The following EVL variants were observed in gnomAD, a reference collection of about 807,000 sequenced individuals.
EVL encodes ena/VASP-like protein.
Under a neutral mutation model 59.6 loss-of-function variants are expected in EVL, and 21 were observed. The ratio of observed to expected loss-of-function variants is 0.35; its 90% CI spans 0.25 to 0.51. The LOEUF (loss-of-function observed/expected upper bound fraction) is 0.51, where lower values mean the gene tolerates loss of function less well. Ranked by LOEUF, EVL falls within the 20% of genes least tolerant of loss-of-function variation. The pLI, the probability that EVL is intolerant of heterozygous loss-of-function variation, is 0.97. For missense variants in EVL, 462 were observed against 546.6 expected, an observed-to-expected ratio of 0.85 and a Z score of 1.54; for synonymous variants, 198 against 203.5, an observed-to-expected ratio of 0.97 and a Z score of 0.23.
intron 1 of EVL, among the ~76,000 whole-genome samples, chr14:100,023,889 T>C (rs2061168626): frequency 6.6e-6 from 1 of 152,164 alleles, no homozygotes; most frequent in Non-Finnish European, 1.5e-5. Flanking sequence ...CCATGTAGTT[T>C]TCCTTCTACC....
At chr14:100,043,916 A>G (rs1276643705) in intron 1 of EVL, among the ~76,000 whole-genome samples, 2 of 152,040 alleles carry the variant, frequency 1.3e-5, no homozygotes, top group African/African-American at 2.4e-5. Flanking sequence ...CCCCAGTTGT[A>G]TATGTATAGA....
At chr14:99,977,791 T>C (rs535994991) in intron 1 of EVL, among the ~76,000 whole-genome samples, 9 of 152,074 alleles carry the variant, frequency 5.9e-5, no homozygotes, top group Non-Finnish European at 1.2e-4. Flanking sequence ...TCTCATTCTT[T>C]GGGATCTAAA....
intron 1 of EVL, among the ~76,000 whole-genome samples, chr14:100,030,044 G>A (rs1391978516): frequency 1.3e-5 from 2 of 151,964 alleles, no homozygotes; most frequent in African/African-American, 4.8e-5. Context: ...CCTGTAAAAT[G>A]GGACTATTAC....
intron 13 of EVL, among the ~76,000 whole-genome samples, chr14:100,142,699 C>G (rs959359460): frequency 6.6e-6 from 1 of 151,892 alleles, no homozygotes; most frequent in South Asian, 2.1e-4. Context: ...AGAGAGCACT[C>G]AGTTCCTGTT....
At chr14:100,037,137 C>T (rs919792519) in intron 1 of EVL, among the ~76,000 whole-genome samples, 6 of 152,174 alleles carry the variant, frequency 3.9e-5, no homozygotes, top group African/African-American at 1.4e-4. Flanking sequence ...TTTGTTATGG[C>T]AGCCTGAGCT....
intron 1 of EVL, among the ~76,000 whole-genome samples, chr14:99,982,418 A>G (rs1222641811): frequency 3.9e-5 from 6 of 152,198 alleles, no homozygotes; most frequent in African/African-American, 1.4e-4. Flanking sequence ...AAGGCTATCA[A>G]TATATACTAC....
At chr14:100,055,987 T>C (rs1220184765) in intron 1 of EVL, among the ~76,000 whole-genome samples, 1 of 151,992 alleles carries the variant, frequency 6.6e-6, no homozygotes, top group Non-Finnish European at 1.5e-5. Flanking sequence ...AATTTTTGTA[T>C]TTTTAGTAGA....
intron 7 of EVL, 41 bp from the exon 8 acceptor site, chr14:100,132,678 C>A (rs751025079): frequency 2.2e-5 from 35 of 1,603,244 alleles, no homozygotes; most frequent in Non-Finnish European, 2.8e-5. Flanking sequence ...AGTGAGAGAA[C>A]GTGAGGAGCT....
At position 100,141,813 on chromosome 14, in the gene EVL, G is replaced by T. The variant is rs1338333770; in HGVS notation, c.1219+20G>T. The T allele has an allele frequency of 6.2e-7, 1 of 1,611,084 alleles. No individual in the cohort carries two copies. Among genetic ancestry groups the T allele is most frequent in the Non-Finnish European group, 8.5e-7 (1 of 1,179,044 alleles). ...TCGACGGTGAGTGCAGCCCCACCGGGGAGGGTGGCACCCAGGTGTGGCCGC... is the reference window on the plus strand; with the variant it reads ...TCGACGGTGAGTGCAGCCCCACCGGTGAGGGTGGCACCCAGGTGTGGCCGC... On this transcript the variant is annotated intron_variant, in intron 13 of 13. Coordinates refer to ENST00000392920, the MANE Select transcript of EVL (RefSeq NM_016337.3).
rs528392310 is a variant in EVL at position 100,108,758 on chromosome 14, C to T, written c.358+11100C>T. Among the ~76,000 whole-genome samples, 13 of 152,304 alleles carry T rather than the reference C, an allele frequency of 8.5e-5. No homozygotes were observed. The highest frequency in any genetic ancestry group is 2.0e-4 in the Admixed American group (3 of 15,302). On this transcript the variant is annotated intron_variant, in intron 3 of 13. Coordinates refer to ENST00000392920, the MANE Select transcript of EVL (RefSeq NM_016337.3). This position sits in a 1 kb window ranked among gnomAD's most constrained non-coding sequence, Gnocchi z 4.1. The stretch of plus-strand genomic sequence containing the variant: ...CAGATGGAGCCTTTCCCAGCCGCCC[C>T]GCTCCCTGTGACTTTGCACTCCCTC...
intron 1 of EVL, among the ~76,000 whole-genome samples, chr14:100,040,174 GT>G (rs2061446930): frequency 6.6e-6 from 1 of 152,234 alleles, no homozygotes; most frequent in Non-Finnish European, 1.5e-5. Flanking sequence ...CAGTGATCCT[GT>G]TACTAGCACT....
intron 1 of EVL, among the ~76,000 whole-genome samples, chr14:100,015,300 C>T (rs1168401459): frequency 2.6e-5 from 4 of 152,196 alleles, no homozygotes; most frequent in Non-Finnish European, 5.9e-5. Flanking sequence ...ACGAAGGTAC[C>T]GGTTAAGCTG....
intron 1 of EVL, among the ~76,000 whole-genome samples, chr14:100,043,174 C>A (rs529246618): frequency 9.9e-5 from 15 of 152,056 alleles, no homozygotes; most frequent in African/African-American, 3.6e-4. Flanking sequence ...TTAGGAACCC[C>A]TCTGTATTAA....
chr14:100,066,997 C>T (rs1190960), intron 1 of EVL, among the ~76,000 whole-genome samples: 116,932 of 152,202 alleles, frequency 0.77, 45,888 homozygotes, highest in Non-Finnish European at 0.84. Context: ...ACTAATCTAG[C>T]CCAGCTCTTG....
At chr14:100,022,278 G>GT (rs60834825) in intron 1 of EVL, among the ~76,000 whole-genome samples, 6,122 of 129,102 alleles carry the variant, frequency 0.047, 198 homozygotes, top group East Asian at 0.16. Context: ...TTCTTGGTTT[G>GT]TTTTTTTTTT....
chr14:100,092,038 A>G (rs1320041002), intron 2 of EVL, among the ~76,000 whole-genome samples: 1 of 152,164 alleles, frequency 6.6e-6, no homozygotes, highest in Non-Finnish European at 1.5e-5. Context: ...CAGGAGTTCA[A>G]GACCAGCCTG....
chr14:99,997,244 A>C (rs1595551585), intron 1 of EVL, among the ~76,000 whole-genome samples: 1 of 152,268 alleles, frequency 6.6e-6, no homozygotes. Flanking sequence ...GTAAATGCCC[A>C]GCTTCTCATT....
chr14:100,095,759 G>T (rs919259148), intron 2 of EVL, among the ~76,000 whole-genome samples: 1 of 152,144 alleles, frequency 6.6e-6, no homozygotes, highest in South Asian at 2.1e-4. Context: ...ACAGAGTCTG[G>T]CTCTGTTGCC....
At chr14:100,095,042 AAAAAC>A (rs898015508) in intron 2 of EVL, among the ~76,000 whole-genome samples, 15 of 152,350 alleles carry the variant, frequency 9.8e-5, no homozygotes, top group Middle Eastern at 3.4e-3. Flanking sequence ...CTCCGTCTAA[AAAAAC>A]AAAACAAAAC....
Sources: gnomAD v4.1 joint callset for allele counts (sites outside exome capture counted in the v4.1 genomes callset) on GRCh38, gnomAD v4.1.1 for gene constraint, Gnocchi (gnomAD v3.1) non-coding constraint, MANE v1.5 for transcripts, NCBI Gene and HGNC (gene_info 2026-07-23, HGNC 2026-07-21) for gene names.